KLHL32: variants seen among roughly 807,000 people sequenced by gnomAD.
KLHL32 encodes the protein kelch like family member 32.
A neutral mutation model predicts 64.8 loss-of-function variants in KLHL32; 35 were observed. That is an observed-to-expected ratio of 0.54 (90% CI 0.41 to 0.72). KLHL32 has a LOEUF of 0.72. Among genes scored for constraint, KLHL32 ranks in the 30% least tolerant of loss-of-function variants. KLHL32 has a pLI of 0.00. For missense variants in KLHL32, 589 were observed against 768.5 expected, an observed-to-expected ratio of 0.77 and a Z score of 2.76; for synonymous variants, 259 against 281.0, an observed-to-expected ratio of 0.92 and a Z score of 0.78.
intron 3 of KLHL32, 50 bp from the exon 4 acceptor site, chr6:97,041,441 TC>T: frequency 8.1e-7 from 1 of 1,232,654 alleles, no homozygotes. Flanking sequence ...TTTGTCTTGC[TC>T]CCTTGCTGTC....
At chr6:97,126,820 T>C (rs904756725) in intron 7 of KLHL32, among the ~76,000 whole-genome samples, 6 of 152,214 alleles carry the variant, frequency 3.9e-5, no homozygotes, top group Admixed American at 2.0e-4. Flanking sequence ...ATAAAATTTA[T>C]TAAATTTAAT....
chr6:97,100,966 C>CTTT (rs58422496), intron 6 of KLHL32, among the ~76,000 whole-genome samples: 19 of 69,466 alleles, frequency 2.7e-4, no homozygotes, highest in East Asian at 7.2e-4. Context: ...TGCAGCCAAG[C>CTTT]TTTTTTTTTT....
intron 5 of KLHL32, among the ~76,000 whole-genome samples, chr6:97,076,879 A>G (rs1791681665): frequency 6.6e-6 from 1 of 151,986 alleles, no homozygotes; most frequent in African/African-American, 2.4e-5. Context: ...ACATTGTAAA[A>G]TATTTAAATA....
At chr6:96,933,847 T>C (rs1169434539) in intron 1 of KLHL32, among the ~76,000 whole-genome samples, 1 of 152,164 alleles carries the variant, frequency 6.6e-6, no homozygotes, top group East Asian at 1.9e-4. Context: ...CTCTCACTGT[T>C]ATTGCTTCTG....
At chr6:97,060,274 A>G (rs1562292631) in intron 4 of KLHL32, among the ~76,000 whole-genome samples, 1 of 152,194 alleles carries the variant, frequency 6.6e-6, no homozygotes, top group Non-Finnish European at 1.5e-5. Context: ...CATGGCTGTT[A>G]AAGACAGTCC....
chr6:96,960,765 A>G (rs1030193476), intron 1 of KLHL32, among the ~76,000 whole-genome samples: 1 of 152,188 alleles, frequency 6.6e-6, no homozygotes, highest in African/African-American at 2.4e-5. Flanking sequence ...ATCATGTAAG[A>G]TGTACATTGG....
In KLHL32 at chr6:96,967,017, C is replaced by A; in HGVS notation, c.-44C>A. 6.3e-7 allele frequency: 1 copy of A among 1,598,756 alleles called. No individual in the cohort carries two copies. The highest frequency in any genetic ancestry group is 1.3e-5 in the African/African-American group (1 of 74,722). On this transcript the variant is annotated 5_prime_UTR_variant, in exon 2 of 11. In the 5' UTR this introduces an upstream ATG that the reference lacks. Transcript: ENST00000369261. ...TCAGCTGGAATGCTTGCTGATTCCT[C>A]TGCACACTTCTAAGGCTGAGAACCT...
chr6:96,953,001 T>C (rs62413871), intron 1 of KLHL32, among the ~76,000 whole-genome samples: 15,044 of 152,154 alleles, frequency 0.099, 794 homozygotes, highest in Middle Eastern at 0.16. Context: ...CCCTGCCTGC[T>C]AACTTACCAT....
intron 3 of KLHL32, among the ~76,000 whole-genome samples, chr6:96,984,588 A>G (rs1014527056): frequency 5.9e-5 from 9 of 152,204 alleles, no homozygotes; most frequent in African/African-American, 2.2e-4. Flanking sequence ...TATTTAGGAT[A>G]GTTAGCTCTT....
At chr6:97,123,509 T>G (rs1279423774) in intron 7 of KLHL32, among the ~76,000 whole-genome samples, 1 of 152,186 alleles carries the variant, frequency 6.6e-6, no homozygotes. Context: ...CAGTATATCT[T>G]TAAGTCACAG....
the KLHL32 span, among the ~76,000 whole-genome samples, chr6:96,916,514 C>G: frequency 6.6e-6 from 1 of 152,210 alleles, no homozygotes; most frequent in African/African-American, 2.4e-5. Context: ...TCTTGAAGCT[C>G]AAACCTATTT....
intron 1 of KLHL32, among the ~76,000 whole-genome samples, chr6:96,952,180 C>T (rs183805350): frequency 4.6e-5 from 7 of 152,290 alleles, no homozygotes; most frequent in African/African-American, 1.7e-4. Context: ...GGATGGGCTT[C>T]AGCCACCCAA....
chr6:96,998,863 A>G (rs1778698440), intron 3 of KLHL32, among the ~76,000 whole-genome samples: 1 of 152,226 alleles, frequency 6.6e-6, no homozygotes, highest in African/African-American at 2.4e-5. Flanking sequence ...TACATGGTAA[A>G]CTGATCGTTA....
chr6:96,956,143 A>G (rs966024714), intron 1 of KLHL32, among the ~76,000 whole-genome samples: 1 of 152,070 alleles, frequency 6.6e-6, no homozygotes, highest in African/African-American at 2.4e-5. Context: ...ATCTCATGAG[A>G]CTTATTCACT....
At chr6:97,111,735 T>A (rs1271248081) in intron 6 of KLHL32, among the ~76,000 whole-genome samples, 1 of 152,108 alleles carries the variant, frequency 6.6e-6, no homozygotes. Context: ...TCAGGAGGAA[T>A]GAAGTCACAC....
intron 3 of KLHL32, among the ~76,000 whole-genome samples, chr6:96,976,587 T>A (rs2387762): frequency 0.22 from 33,283 of 151,804 alleles, 4,137 homozygotes; most frequent in African/African-American, 0.34. Context: ...ATATATATAT[T>A]TTTGTTTTGT....
chr6:97,099,924 C>T (rs905594372), intron 6 of KLHL32, among the ~76,000 whole-genome samples: 14 of 151,748 alleles, frequency 9.2e-5, no homozygotes, highest in Non-Finnish European at 1.9e-4. Flanking sequence ...GTATCTTCTT[C>T]GATAAAAATA....
intron 6 of KLHL32, among the ~76,000 whole-genome samples, chr6:97,096,058 GA>G (rs1475025189): frequency 6.6e-5 from 10 of 152,098 alleles, no homozygotes; most frequent in African/African-American, 2.2e-4. Context: ...ATATTGCACG[GA>G]AAATTCAAGA....
At position 96,956,515 on chromosome 6, in the gene KLHL32, T is replaced by C. The variant is rs1305524989; in HGVS notation, c.-65-10481T>C. Reference sequence around the variant, plus strand: ...CTCCATATCTTTGAGTGTGTTGTGCTTCTCATTTGGAAAGCTTTCTCCTTT... The same window carrying C: ...CTCCATATCTTTGAGTGTGTTGTGCCTCTCATTTGGAAAGCTTTCTCCTTT... On this transcript the variant is annotated intron_variant, in intron 1 of 10. Coordinates refer to ENST00000369261, the MANE Select transcript of KLHL32 (RefSeq NM_052904.4). Among the ~76,000 whole-genome samples the C allele has an allele frequency of 3.9e-5, 6 of 152,206 alleles. No homozygotes were observed. In the East Asian group the frequency reaches 1.2e-3, roughly 29 times the overall value.
Sources: gnomAD v4.1 joint callset for allele counts (sites outside exome capture counted in the v4.1 genomes callset) on GRCh38, gnomAD v4.1.1 for gene constraint, MANE v1.5 for transcripts, NCBI Gene and HGNC (gene_info 2026-07-23, HGNC 2026-07-21) for gene names.